Variants in CLNK observed in about 807,000 individuals in gnomAD.
The protein encoded by CLNK is cytokine dependent hematopoietic cell linker, also known as cytokine-dependent hematopoietic cell linker.
A neutral mutation model predicts 68.6 loss-of-function variants in CLNK; 74 were observed. That is an observed-to-expected ratio of 1.08 (90% CI 0.89 to 1.31). CLNK has a LOEUF of 1.31. Ranked by LOEUF, CLNK falls within the 50% of genes most tolerant of loss-of-function variation. The pLI is 0.00. For missense variants in CLNK, 553 were observed against 515.3 expected (o/e 1.07, Z -0.71); for synonymous variants, 198 against 172.2 (o/e 1.15, Z -1.17).
At chr4:10,577,744 G>C (rs1281922408) in intron 4 of CLNK, among the ~76,000 whole-genome samples, 2 of 151,664 alleles carry the variant, frequency 1.3e-5, no homozygotes, top group African/African-American at 4.8e-5. Context: ...AGCTGCCAAA[G>C]AGCCTTGGAC....
At chr4:10,593,218 T>A (rs138073555) in intron 3 of CLNK, among the ~76,000 whole-genome samples, 41 of 151,324 alleles carry the variant, frequency 2.7e-4, no homozygotes, top group African/African-American at 9.8e-4. Flanking sequence ...GTGACCCTTA[T>A]GGCTCTCTCA....
At position 10,605,742 on chromosome 4, in the gene CLNK, C is replaced by T. The variant is rs576037321; in HGVS notation, c.12-7693G>A. Among the ~76,000 whole-genome samples, 24 of 137,788 alleles carry T rather than the reference C, an allele frequency of 1.7e-4. 1 individual carries two copies. Among genetic ancestry groups the T allele is most frequent in the South Asian group, 9.4e-4 (4 of 4,246 alleles). The allele number at this position is 137,788 out of a possible 152,430, so 90.4% of individuals were successfully genotyped here. A position where few individuals can be genotyped will look rare whatever the true frequency, so the allele number is the denominator to read the frequency against. On this transcript the variant is annotated intron_variant, in intron 2 of 18. Coordinates refer to ENST00000226951, the MANE Select transcript of CLNK (RefSeq NM_052964.4). ...ACTTGGGAGGCTGAGGCAGGAGAAT[C>T]GCTTGAAGCCAGGAGGCAGAGGTTG... is the stretch of plus-strand genomic sequence containing the variant.
chr4:10,714,388 C>A, the CLNK span, among the ~76,000 whole-genome samples: 1 of 152,124 alleles, frequency 6.6e-6, no homozygotes, highest in Non-Finnish European at 1.5e-5. Flanking sequence ...CTGCAAAGTC[C>A]TCCAGTAAAG....
chr4:10,646,175 T>C (rs1723503116), intron 2 of CLNK, among the ~76,000 whole-genome samples: 1 of 152,324 alleles, frequency 6.6e-6, no homozygotes, highest in East Asian at 1.9e-4. Context: ...TTGACCATTA[T>C]GCCTTGTATA....
At chr4:10,537,205 C>T (rs1238240350) in intron 11 of CLNK, among the ~76,000 whole-genome samples, 1 of 152,152 alleles carries the variant, frequency 6.6e-6, no homozygotes, top group Non-Finnish European at 1.5e-5. Flanking sequence ...TGGCTGGGCA[C>T]GGTGGCTCAC....
At chr4:10,710,026 T>C in the CLNK span, among the ~76,000 whole-genome samples, 1 of 152,186 alleles carries the variant, frequency 6.6e-6, no homozygotes, top group Non-Finnish European at 1.5e-5. Flanking sequence ...TTTGATATGG[T>C]GGTGTTTGTT....
chr4:10,685,530 C>T (rs929901411), upstream of CLNK, among the ~76,000 whole-genome samples: 1 of 152,076 alleles, frequency 6.6e-6, no homozygotes, highest in Admixed American at 6.5e-5. Flanking sequence ...CTGATCTTGC[C>T]GAGTGCCTGT....
chr4:10,527,076 C>A (rs1348182971), intron 13 of CLNK, among the ~76,000 whole-genome samples: 1 of 152,224 alleles, frequency 6.6e-6, no homozygotes, highest in Non-Finnish European at 1.5e-5. Flanking sequence ...ATGAATCATG[C>A]ATCCCATAAA....
intron 4 of CLNK, among the ~76,000 whole-genome samples, chr4:10,584,386 G>A (rs1720896800): frequency 6.6e-6 from 1 of 152,136 alleles, no homozygotes. Context: ...GGGAAGTTCT[G>A]TGGGACTTTC....
intron 2 of CLNK, among the ~76,000 whole-genome samples, chr4:10,650,757 T>C (rs1011806480): frequency 9.2e-5 from 14 of 152,014 alleles, no homozygotes; most frequent in Non-Finnish European, 1.9e-4. Context: ...AAAAATGCAA[T>C]CCTCAATGGA....
rs145422903 is a variant in CLNK at position 10,505,926 on chromosome 4, A to G, written c.984+2033T>C. Among the ~76,000 whole-genome samples the G allele has an allele frequency of 2.3e-3, 354 of 152,302 alleles. 6 individuals carry two copies. The highest frequency in any genetic ancestry group is 1.8e-3 in the Non-Finnish European group (120 of 68,028). On this transcript the variant is annotated intron_variant, in intron 17 of 18. Coordinates refer to ENST00000226951, the MANE Select transcript of CLNK (RefSeq NM_052964.4). ...CATATAATTTATTTAATTTTACAAC[A>G]TCAATTCTGAGAGCTAAGTTTTATT...
At chr4:10,631,518 G>T (rs1722888824) in intron 2 of CLNK, among the ~76,000 whole-genome samples, 1 of 150,432 alleles carries the variant, frequency 6.6e-6, no homozygotes. Context: ...AATAAGATGA[G>T]GACCCTTGGT....
At chr4:10,661,376 C>T (rs1560267778) in intron 2 of CLNK, among the ~76,000 whole-genome samples, 1 of 152,200 alleles carries the variant, frequency 6.6e-6, no homozygotes, top group East Asian at 1.9e-4. Context: ...GCAAAACAGT[C>T]ATTCACTCAG....
chr4:10,707,316 G>A, the CLNK span, among the ~76,000 whole-genome samples: 2 of 152,328 alleles, frequency 1.3e-5, no homozygotes, highest in South Asian at 4.1e-4. Context: ...TTGGCTGCAT[G>A]TGGCCCATGG....
intron 7 of CLNK, among the ~76,000 whole-genome samples, chr4:10,558,672 G>A (rs1374270993): frequency 1.3e-5 from 2 of 152,166 alleles, no homozygotes; most frequent in Non-Finnish European, 2.9e-5. Context: ...ATAAAAACAC[G>A]TGGGATTGAG....
At chr4:10,670,023 C>G (rs778811326) in intron 1 of CLNK, among the ~76,000 whole-genome samples, 3 of 152,230 alleles carry the variant, frequency 2.0e-5, no homozygotes, top group Non-Finnish European at 4.4e-5. Context: ...CTGCCATTAA[C>G]TAGCCGTGTG....
chr4:10,574,979 C>T (rs976629231), intron 4 of CLNK, among the ~76,000 whole-genome samples: 3 of 152,266 alleles, frequency 2.0e-5, no homozygotes, highest in Non-Finnish European at 2.9e-5. Context: ...TTGGGGAGCT[C>T]GGTTGTTGGA....
At chr4:10,701,169 A>G in the CLNK span, among the ~76,000 whole-genome samples, 2 of 152,166 alleles carry the variant, frequency 1.3e-5, no homozygotes, top group Non-Finnish European at 2.9e-5. Flanking sequence ...TTGTTTGTCA[A>G]TATTTTGACA....
Position 10,637,824 on chromosome 4 carries a change from G to A in CLNK, c.11+30035C>T, listed in dbSNP as rs183811326. On this transcript the variant is annotated intron_variant, in intron 2 of 18. Coordinates refer to ENST00000226951, the MANE Select transcript of CLNK (RefSeq NM_052964.4). ...TCACCGTGTTAGCCAGGATGGTCTC[G>A]ATCTCCTGAATTTGTGATTCACCCG... 6.7e-5 allele frequency among the ~76,000 whole-genome samples: 10 copies of A among 148,180 alleles called. No homozygotes were observed. The East Asian group carries it at 2.0e-3, about 29-fold the overall frequency.
Sources: gnomAD v4.1 joint callset for allele counts (sites outside exome capture counted in the v4.1 genomes callset) on GRCh38, gnomAD v4.1.1 for gene constraint, MANE v1.5 for transcripts, NCBI Gene and HGNC (gene_info 2026-07-23, HGNC 2026-07-21) for gene names.